Variants in LMLN observed in about 807,000 individuals in gnomAD.
LMLN encodes the protein leishmanolysin-like peptidase.
In LMLN, 70 loss-of-function variants were observed where a neutral mutation model predicts 92.3. The observed-to-expected ratio is 0.76, with a 90% CI of 0.63 to 0.92. The LOEUF is 0.92. LMLN is among the 40% of genes least tolerant of loss of function. LMLN has a pLI of 0.00. For synonymous variants in LMLN, 308 were observed against 296.2 expected (o/e 1.04, Z -0.41); for missense variants, 691 against 814.6 (o/e 0.85, Z 1.85).
At chr3:198,032,642 G>A (rs1581186018) in intron 14 of LMLN, among the ~76,000 whole-genome samples, 1 of 152,104 alleles carries the variant, frequency 6.6e-6, no homozygotes, top group Admixed American at 6.5e-5. Context: ...CACATAGAGC[G>A]GGAACGAGAG....
At chr3:197,978,090 GCACA>G (rs1346478434) in intron 5 of LMLN, among the ~76,000 whole-genome samples, 1 of 150,738 alleles carries the variant, frequency 6.6e-6, no homozygotes, top group Admixed American at 6.6e-5. Context: ...CAATCTGGAA[GCACA>G]CACACGTTAA....
chr3:197,992,750 T>C (rs1721911050), intron 9 of LMLN, among the ~76,000 whole-genome samples: 1 of 152,060 alleles, frequency 6.6e-6, no homozygotes, highest in Non-Finnish European at 1.5e-5. Flanking sequence ...TTCCAAAAAA[T>C]TGAAGAGGAG....
intron 8 of LMLN, among the ~76,000 whole-genome samples, chr3:197,989,047 C>A (rs1721792892): frequency 6.6e-6 from 1 of 152,126 alleles, no homozygotes; most frequent in Non-Finnish European, 1.5e-5. Flanking sequence ...TAAACTATGT[C>A]TCTTGTAGAT....
At chr3:198,016,030 CA>C (rs1404140063) in intron 11 of LMLN, among the ~76,000 whole-genome samples, 1 of 151,612 alleles carries the variant, frequency 6.6e-6, no homozygotes, top group East Asian at 1.9e-4. Context: ...CCCATCTCTA[CA>C]AAGTAAAAAA....
intron 14 of LMLN, among the ~76,000 whole-genome samples, chr3:198,028,531 C>A (rs977309086): frequency 1.3e-5 from 2 of 152,154 alleles, no homozygotes. Context: ...ACAAAAGAGA[C>A]CTTTAAGCGT....
intron 1 of LMLN, among the ~76,000 whole-genome samples, chr3:197,969,684 G>C (rs1195369087): frequency 6.6e-6 from 1 of 152,182 alleles, no homozygotes; most frequent in Non-Finnish European, 1.5e-5. Context: ...ACAAAATATT[G>C]AGTGTTTGCT....
rs566490492 is a variant in LMLN at position 197,979,558 on chromosome 3, C to T, written c.550-768C>T. Among the ~76,000 whole-genome samples, 4 of 152,228 alleles carry T rather than the reference C, an allele frequency of 2.6e-5. No individual in the cohort carries two copies. The South Asian group carries it at 8.3e-4, about 32-fold the overall frequency. On this transcript the variant is annotated intron_variant, in intron 5 of 15. Coordinates refer to ENST00000330198, the Ensembl canonical transcript of LMLN. The stretch of plus-strand genomic sequence containing the variant: ...TTAGGCTGGGTGCAGTGGCTCATGC[C>T]TGTAATCCCAGCACTTTGGGAGGCC...
chr3:198,001,274 C>G (rs1479879812), intron 11 of LMLN, among the ~76,000 whole-genome samples: 1 of 152,114 alleles, frequency 6.6e-6, no homozygotes, highest in South Asian at 2.1e-4. Flanking sequence ...ACTACTGTAG[C>G]CTTCATTTAA....
At chr3:198,022,442 A>C (rs1487767049) in intron 13 of LMLN, among the ~76,000 whole-genome samples, 2 of 152,202 alleles carry the variant, frequency 1.3e-5, no homozygotes, top group African/African-American at 4.8e-5. Context: ...ACCCCATTCC[A>C]TACTTTATTA....
chr3:197,977,435 A>T (rs1371590105), intron 5 of LMLN, among the ~76,000 whole-genome samples: 1 of 152,130 alleles, frequency 6.6e-6, no homozygotes, highest in Non-Finnish European at 1.5e-5. Context: ...TTAAACCTGG[A>T]TACATAAAAA....
chr3:198,015,693 A>C (rs1337460379), intron 11 of LMLN, among the ~76,000 whole-genome samples: 1 of 150,298 alleles, frequency 6.7e-6, no homozygotes, highest in Non-Finnish European at 1.5e-5. Flanking sequence ...CACCCTTCAG[A>C]GTCCCCTAAC....
intron 11 of LMLN, chr3:198,003,068 T>G: frequency 6.4e-7 from 1 of 1,551,626 alleles, no homozygotes; most frequent in Non-Finnish European, 8.7e-7. Context: ...GGCCGAGGAA[T>G]GGGCTGTGAC....
At chr3:197,968,854 A>G (rs886926759) in intron 1 of LMLN, among the ~76,000 whole-genome samples, 2 of 152,244 alleles carry the variant, frequency 1.3e-5, no homozygotes, top group Non-Finnish European at 2.9e-5. Flanking sequence ...CTTTTTTGAA[A>G]GTCATAAACT....
chr3:197,960,865 T>C (rs1041776000), intron 1 of LMLN, among the ~76,000 whole-genome samples: 1 of 152,132 alleles, frequency 6.6e-6, no homozygotes, highest in Non-Finnish European at 1.5e-5. Flanking sequence ...ACCGCTGACC[T>C]GAAGTTTCGG....
intron 3 of LMLN, 93 bp downstream of exon 3, chr3:197,975,165 T>A: frequency 1.4e-6 from 1 of 700,974 alleles, no homozygotes; most frequent in South Asian, 1.8e-5. Context: ...TACATGACTT[T>A]TGTGACTGAA....
chr3:197,961,760 C>T (rs1378750662), intron 1 of LMLN, among the ~76,000 whole-genome samples: 2 of 152,086 alleles, frequency 1.3e-5, no homozygotes, highest in Non-Finnish European at 2.9e-5. Context: ...AATTACATAA[C>T]TTTTTTGGTT....
intron 8 of LMLN, among the ~76,000 whole-genome samples, chr3:197,986,150 A>G (rs1381028596): frequency 6.6e-6 from 1 of 152,204 alleles, no homozygotes; most frequent in Non-Finnish European, 1.5e-5. Context: ...CCTTGCATTG[A>G]GGATATTCCT....
chr3:198,031,565 C>T lies in LMLN; in HGVS notation c.1657-4268C>T, dbSNP rs1424856797. On this transcript the variant is annotated intron_variant, in intron 14 of 15. Transcript: ENST00000330198. This position sits in a 1 kb window ranked among gnomAD's most constrained non-coding sequence, Gnocchi z 4.8. ...TATTTTCCTAATGGATGATTGGGTG[C>T]AGGAAAAAAAGAAAGAAAATTATTT... 6.6e-6 allele frequency among the ~76,000 whole-genome samples: 1 copy of T among 151,886 alleles called. No homozygotes were observed. The highest frequency in any genetic ancestry group is 1.5e-5 in the Non-Finnish European group (1 of 67,968).
exon 16 of LMLN, chr3:198,038,707 T>C (rs1286726774): frequency 6.8e-7 from 1 of 1,472,686 alleles, no homozygotes; most frequent in South Asian, 1.1e-5. Flanking sequence ...TTTTATGTTA[T>C]GTTCTTGTGA....
Sources: allele counts gnomAD v4.1 joint callset (sites outside exome capture counted in the v4.1 genomes callset), GRCh38; gene constraint gnomAD v4.1.1; non-coding constraint Gnocchi (gnomAD v3.1); transcripts MANE v1.5; gene names NCBI Gene and HGNC (gene_info 2026-07-23, HGNC 2026-07-21).